Variants in COPB1 observed in about 807,000 individuals in gnomAD.
COPB1 encodes the protein coat protein complex I subunit beta 1, also known as coatomer subunit beta.
COPB1 carries 21 observed loss-of-function variants against 108.7 expected under a neutral mutation model. That is an observed-to-expected ratio of 0.19 (90% confidence interval 0.14 to 0.28). COPB1 has a LOEUF of 0.28. Ranked by LOEUF, COPB1 falls within the 10% of genes least tolerant of loss-of-function variation. The probability of loss-of-function intolerance (pLI) is 1.00; values close to 1 mark genes in which losing one functional copy is unlikely to be tolerated. For synonymous variants in COPB1, 378 were observed against 386.8 expected, an observed-to-expected ratio of 0.98 and a Z score of 0.27; for missense variants, 919 against 1,141.3, an observed-to-expected ratio of 0.81 and a Z score of 2.81.
At chr11:14,486,808 T>C (rs937705424) in intron 6 of COPB1, among the ~76,000 whole-genome samples, 5 of 152,078 alleles carry the variant, frequency 3.3e-5, no homozygotes, top group African/African-American at 1.2e-4. Flanking sequence ...CCCATCATAA[T>C]TTATATTTTT....
chr11:14,487,707 A>C (rs1489001011), intron 6 of COPB1, among the ~76,000 whole-genome samples: 1 of 151,988 alleles, frequency 6.6e-6, no homozygotes, highest in Non-Finnish European at 1.5e-5. Flanking sequence ...AAAAAACAAA[A>C]AAAAACTGTA....
chr11:14,492,608 G>C (rs1478933069), intron 4 of COPB1, among the ~76,000 whole-genome samples: 2 of 151,842 alleles, frequency 1.3e-5, no homozygotes, highest in African/African-American at 4.8e-5. Context: ...CTCCCAAAGT[G>C]CTGGGATTAC....
At position 14,476,938 on chromosome 11, in the gene COPB1, A is replaced by T. The variant is rs780907709; in HGVS notation, c.1436T>A (p.Ile479Asn). 61 of 1,608,844 alleles carry T rather than the reference A, an allele frequency of 3.8e-5. No individual in the cohort carries two copies. Among genetic ancestry groups the T allele is most frequent in the Non-Finnish European group, 5.1e-5 (60 of 1,175,330 alleles). The change falls in exon 12 of 22, where the codon ATC becomes AAC. Residue 479 changes from isoleucine (I) to asparagine (N), a missense_variant. Coordinates refer to ENST00000439561, the MANE Select transcript of COPB1 (RefSeq NM_001144061.2). Reference sequence around the variant, plus strand: ...ACATACCTCTCCAAGGGACCTGCGGATCTCAGTCATCACACTCTGAATGTC... The same window carrying T: ...ACATACCTCTCCAAGGGACCTGCGGTTCTCAGTCATCACACTCTGAATGTC... ...KEDIQSVMTE[I>N]RRSLGEIPIV...
intron 4 of COPB1, 113 bp from the exon 5 acceptor site, chr11:14,490,792 C>CTTTT: frequency 4.1e-6 from 2 of 492,124 alleles, no homozygotes; most frequent in South Asian, 2.7e-5. Flanking sequence ...CATACTTTTG[C>CTTTT]TTTTTTTTTT....
chr11:14,457,773 T>C lies in COPB1; in HGVS notation c.*51A>G. The C allele has an allele frequency of 8.6e-7, 1 of 1,161,634 alleles. No individual in the cohort carries two copies. The highest frequency in any genetic ancestry group is 1.3e-6 in the Non-Finnish European group (1 of 772,320). The allele number at this position is 1,161,634 out of a possible 1,614,324, so 72.0% of individuals were successfully genotyped here. On this transcript the variant is annotated 3_prime_UTR_variant, in exon 22 of 22. Coordinates refer to ENST00000439561, the MANE Select transcript of COPB1 (RefSeq NM_001144061.2). The stretch of plus-strand genomic sequence containing the variant: ...GAGTACAAAAGATGTTGGAGTCCAG[T>C]AAGCCCATACCTAAATTAACTGTAA...
At position 14,486,477 on chromosome 11, in the gene COPB1, C is replaced by T; in HGVS notation, c.727G>A (p.Ala243Thr). 1 of 1,613,980 alleles carries T rather than the reference C, an allele frequency of 6.2e-7. No homozygotes were observed. Among genetic ancestry groups the T allele is most frequent in the Non-Finnish European group, 8.5e-7 (1 of 1,180,008 alleles). Residue 243 changes from alanine (A) to threonine (T), a missense_variant, in exon 7 of 22, where the codon GCT becomes ACT. Coordinates refer to ENST00000439561, the MANE Select transcript of COPB1 (RefSeq NM_001144061.2). Reference protein sequence around the residue: ...KVCHANPSERARFIRCIYNLL... With the variant: ...KVCHANPSERTRFIRCIYNLL... ...TTATAGATGCAGCGAATAAAACGAG[C>T]TCTTTCTGATGGATTAGCATGACAG...
At position 14,486,349 on chromosome 11, in the gene COPB1, A is replaced by G. The variant is rs1271624307; in HGVS notation, c.837+18T>C. ...AAAATCTATCATCTAATCTGGCCCC[A>G]AAAGAAATACACAGTACCTTGATTG... On this transcript the variant is annotated intron_variant, in intron 7 of 21. Transcript: ENST00000439561. The G allele has an allele frequency of 6.2e-7, 1 of 1,613,318 alleles. No homozygotes were observed. Among genetic ancestry groups the G allele is most frequent in the Admixed American group, 1.7e-5 (1 of 59,874 alleles).
intron 8 of COPB1, 67 bp downstream of exon 8, chr11:14,482,965 A>G: frequency 7.1e-7 from 1 of 1,401,082 alleles, no homozygotes; most frequent in Non-Finnish European, 9.5e-7. Context: ...AGATGGGCAA[A>G]GCTTGAGAAT....
At chr11:14,486,342 T>C (rs1850774217) in intron 7 of COPB1, 25 bp downstream of exon 7, 2 of 1,613,302 alleles carry the variant, frequency 1.2e-6, no homozygotes, top group Non-Finnish European at 1.7e-6. Context: ...TCATCTAATC[T>C]GGCCCCAAAA....
At chr11:14,471,226 G>C (rs2134103137) in intron 14 of COPB1, among the ~76,000 whole-genome samples, 1 of 152,288 alleles carries the variant, frequency 6.6e-6, no homozygotes, top group East Asian at 1.9e-4. Flanking sequence ...CCTACACAAA[G>C]AAATGAAGAG....
chr11:14,477,405 A>AAAAAAAAAAAAAAAAAAC, intron 11 of COPB1, among the ~76,000 whole-genome samples: 1 of 146,202 alleles, frequency 6.8e-6, no homozygotes, highest in Non-Finnish European at 1.5e-5. Context: ...AAAAAAAAAA[A>AAAAAAAAAAAAAAAAAAC]CAAGGGCCAG....
At chr11:14,499,007 T>C (rs1007827089) in intron 1 of COPB1, 22 bp from the exon 2 acceptor site, 1 of 1,115,588 alleles carries the variant, frequency 9.0e-7, no homozygotes, top group Non-Finnish European at 1.3e-6. Flanking sequence ...AACACAGACA[T>C]ATCATTACAA....
Position 14,465,095 on chromosome 11 carries a change from AC to A in COPB1, c.2291-66del. 14 of 1,460,752 alleles carry A rather than the reference AC, an allele frequency of 9.6e-6. 1 individual carries two copies. The highest frequency in any genetic ancestry group is 5.1e-5 in the South Asian group (4 of 79,080). The allele number at this position is 1,460,752 out of a possible 1,614,324, so 90.5% of individuals were successfully genotyped here. A position where few individuals can be genotyped will look rare whatever the true frequency, so the allele number is the denominator to read the frequency against. On this transcript the variant is annotated intron_variant, in intron 17 of 21. Coordinates refer to ENST00000439561, the MANE Select transcript of COPB1 (RefSeq NM_001144061.2). ...CACACACACACACACACACACACAC[AC>A]ACACACACACACACTAACCATAAAA...
intron 10 of COPB1, 114 bp from the exon 11 acceptor site, chr11:14,479,828 G>C: frequency 1.8e-6 from 2 of 1,095,812 alleles, no homozygotes; most frequent in Non-Finnish European, 2.5e-6. Context: ...CTAAGAGACA[G>C]GGTCTTGCTT....
At chr11:14,472,804 A>C (rs1311130095) in intron 14 of COPB1, among the ~76,000 whole-genome samples, 6 of 152,158 alleles carry the variant, frequency 3.9e-5, no homozygotes, top group Non-Finnish European at 5.9e-5. Flanking sequence ...TGCTAGCTTC[A>C]AACTCTTCTT....
At chr11:14,485,140 A>G (rs777206430) in intron 7 of COPB1, among the ~76,000 whole-genome samples, 1 of 152,108 alleles carries the variant, frequency 6.6e-6, no homozygotes, top group Admixed American at 6.6e-5. Context: ...AGCTGGGACT[A>G]TAAGCACACA....
intron 18 of COPB1, among the ~76,000 whole-genome samples, chr11:14,463,726 G>GTCTCTCTAAA (rs1850216493): frequency 1.3e-5 from 2 of 152,170 alleles, no homozygotes; most frequent in African/African-American, 4.8e-5. Flanking sequence ...AACCTATTAT[G>GTCTCTCTAAA]TCTCTCTAAA....
At chr11:14,469,717 C>T (rs1397013550) in intron 14 of COPB1, among the ~76,000 whole-genome samples, 154 bp from the exon 15 acceptor site, 1 of 152,142 alleles carries the variant, frequency 6.6e-6, no homozygotes, top group Non-Finnish European at 1.5e-5. Context: ...TTGCATTCTT[C>T]TCCTTCCTTT....
At chr11:14,484,296 A>G (rs1006413773) in intron 7 of COPB1, among the ~76,000 whole-genome samples, 4 of 152,220 alleles carry the variant, frequency 2.6e-5, no homozygotes, top group African/African-American at 9.7e-5. Flanking sequence ...CAGTGGGAAA[A>G]CTGATGAAAT....
Sources: gnomAD v4.1 joint callset for allele counts (sites outside exome capture counted in the v4.1 genomes callset) on GRCh38, gnomAD v4.1.1 for gene constraint, MANE v1.5 for transcripts, NCBI Gene and HGNC (gene_info 2026-07-23, HGNC 2026-07-21) for gene names.